The following MYLK variants were observed in gnomAD, a reference collection of about 807,000 sequenced individuals.
MYLK encodes myosin light chain kinase, smooth muscle.
A neutral mutation model predicts 203.4 loss-of-function variants in MYLK; 106 were observed. That is an observed-to-expected ratio of 0.52 (90% CI 0.45 to 0.61). MYLK has a LOEUF of 0.61. MYLK is among the 20% of genes least tolerant of loss of function. MYLK has a pLI of 0.00. For synonymous variants in MYLK, 867 were observed against 959.5 expected, an observed-to-expected ratio of 0.90 and a Z score of 1.78; for missense variants, 2,072 against 2,442.3, an observed-to-expected ratio of 0.85 and a Z score of 3.20.
chr3:123,859,177 A>C (rs2031677396), intron 2 of MYLK, among the ~76,000 whole-genome samples: 1 of 152,268 alleles, frequency 6.6e-6, no homozygotes, highest in Non-Finnish European at 1.5e-5. Flanking sequence ...AATGGCTTTC[A>C]AAGTGCCTAA....
In MYLK at chr3:123,793,742, C is replaced by T. The variant is rs760526212; in HGVS notation, c.100G>A (p.Ala34Thr). 4.3e-6 allele frequency: 7 copies of T among 1,614,164 alleles called. No individual in the cohort carries two copies. Among genetic ancestry groups the T allele is most frequent in the Middle Eastern group, 1.6e-4 (1 of 6,062 alleles). The change falls in exon 4 of 34, where the codon GCT (alanine) becomes ACT (threonine). Residue 34 changes from alanine (A) to threonine (T), a missense_variant. By Grantham distance (58) the Ala-to-Thr change is moderately conservative. This residue lies in a region of MYLK where 683 missense variants were observed against 643.8 expected (regional missense o/e 1.06). Coordinates refer to ENST00000360304, the MANE Select transcript of MYLK (RefSeq NM_053025.4). ...AGGTTCCGAGGGGGCAAAATGAAAG[C>T]AGGGGCCTCTGTCAGGGGCATGGAG... ...VDSMPLTEAPAFILPPRNLCI... is the reference protein window; with the variant it reads ...VDSMPLTEAPTFILPPRNLCI...
chr3:123,781,808 G>A (rs746203725), intron 4 of MYLK, among the ~76,000 whole-genome samples: 9 of 151,944 alleles, frequency 5.9e-5, no homozygotes, highest in Non-Finnish European at 1.3e-4. Context: ...AGCCTACACA[G>A]TAGCCAGCTC....
At chr3:123,877,722 G>C (rs1388084171) in intron 1 of MYLK, among the ~76,000 whole-genome samples, 1 of 152,204 alleles carries the variant, frequency 6.6e-6, no homozygotes, top group Non-Finnish European at 1.5e-5. Context: ...GCCACCTGCT[G>C]CTTCCTCATG....
At chr3:123,805,084 G>A (rs1324579634) in intron 3 of MYLK, among the ~76,000 whole-genome samples, 4 of 152,126 alleles carry the variant, frequency 2.6e-5, no homozygotes, top group Non-Finnish European at 4.4e-5. Flanking sequence ...AAAGGCAGTT[G>A]CCATCACTCG....
chr3:123,817,723 G>A (rs981359062), intron 3 of MYLK, among the ~76,000 whole-genome samples: 33 of 152,190 alleles, frequency 2.2e-4, no homozygotes, highest in Admixed American at 2.2e-3. Context: ...CAGGCTGATA[G>A]CGGGTAAGGA....
At chr3:123,706,598 C>T (rs977954963) in intron 16 of MYLK, among the ~76,000 whole-genome samples, 11 of 152,180 alleles carry the variant, frequency 7.2e-5, no homozygotes, top group African/African-American at 2.7e-4. Flanking sequence ...CTGTCTCCAT[C>T]AATCCAGGGC....
At chr3:123,783,994 T>C (rs571518205) in intron 4 of MYLK, among the ~76,000 whole-genome samples, 1 of 152,184 alleles carries the variant, frequency 6.6e-6, no homozygotes, top group African/African-American at 2.4e-5. Context: ...AGGAAACACA[T>C]GTAGGGAATG....
chr3:123,645,856 A>G (rs1425402983), intron 27 of MYLK, among the ~76,000 whole-genome samples: 2 of 152,228 alleles, frequency 1.3e-5, no homozygotes, highest in African/African-American at 2.4e-5. Context: ...CTGAAAAAGC[A>G]AAGTAGGTTG....
At chr3:123,845,072 G>T (rs1355732643) in intron 2 of MYLK, among the ~76,000 whole-genome samples, 1 of 152,088 alleles carries the variant, frequency 6.6e-6, no homozygotes, top group Non-Finnish European at 1.5e-5. Context: ...TGCCTTTATT[G>T]TAAGAGACAA....
chr3:123,777,861 C>T (rs1201377337), intron 4 of MYLK, among the ~76,000 whole-genome samples: 1 of 152,196 alleles, frequency 6.6e-6, no homozygotes, highest in Non-Finnish European at 1.5e-5. Flanking sequence ...AGAGTTCCCA[C>T]TAGTTAGGCC....
At chr3:123,808,825 G>A (rs1347543193) in intron 3 of MYLK, among the ~76,000 whole-genome samples, 2 of 152,212 alleles carry the variant, frequency 1.3e-5, no homozygotes, top group Non-Finnish European at 2.9e-5. Context: ...GATACATACT[G>A]TATTACTTTC....
At chr3:123,694,204 C>A (rs2060808466) in intron 18 of MYLK, among the ~76,000 whole-genome samples, 4 of 152,266 alleles carry the variant, frequency 2.6e-5, no homozygotes, top group Admixed American at 2.0e-4. Flanking sequence ...ATCCTATAAA[C>A]CACCTGGGGC....
chr3:123,761,881 G>T (rs1379827476), intron 4 of MYLK, among the ~76,000 whole-genome samples: 1 of 152,042 alleles, frequency 6.6e-6, no homozygotes, highest in African/African-American at 2.4e-5. Context: ...CAAAAAATCA[G>T]CTGGGCATGG....
chr3:123,797,385 T>A (rs1021192451), intron 3 of MYLK, among the ~76,000 whole-genome samples: 1 of 152,054 alleles, frequency 6.6e-6, no homozygotes, highest in African/African-American at 2.4e-5. Flanking sequence ...AGCTAGAGAC[T>A]TGGTATACAG....
At chr3:123,735,068 T>C (rs1439747589) in intron 9 of MYLK, 1 of 381,678 alleles carries the variant, frequency 2.6e-6, no homozygotes, top group Non-Finnish European at 5.0e-6. Context: ...GCTGGATGAG[T>C]GAACAGATTC....
rs554651568 is a variant in MYLK, at chr3:123,696,401, G to C, written c.3449-3550C>G. ...TGCAGTGGAGCAAAAAGGGCTCCAA[G>C]TCAGGAAGCCGGGGGCAGGGCCAGT... On this transcript the variant is annotated intron_variant, in intron 18 of 33. Transcript: ENST00000360304. Among the ~76,000 whole-genome samples the C allele has an allele frequency of 2.0e-5, 3 of 152,208 alleles. No homozygotes were observed. The South Asian group carries it at 6.2e-4, about 32-fold the overall frequency.
At chr3:123,706,701 T>C (rs1047918069) in intron 16 of MYLK, among the ~76,000 whole-genome samples, 22 of 152,124 alleles carry the variant, frequency 1.4e-4, no homozygotes, top group African/African-American at 5.3e-4. Context: ...ATGTCGACTA[T>C]GGGCTCTCCA....
At chr3:123,811,592 A>G (rs1479452451) in intron 3 of MYLK, among the ~76,000 whole-genome samples, 1 of 152,188 alleles carries the variant, frequency 6.6e-6, no homozygotes, top group Non-Finnish European at 1.5e-5. Flanking sequence ...ACTGTGCTAA[A>G]CAAAGGCAGC....
At chr3:123,721,862 G>A (rs1462552282) in intron 13 of MYLK, among the ~76,000 whole-genome samples, 2 of 149,220 alleles carry the variant, frequency 1.3e-5, no homozygotes, top group South Asian at 2.2e-4. Flanking sequence ...CACCCTTGTC[G>A]CTGTGAACTC....
Sources: allele counts gnomAD v4.1 joint callset (sites outside exome capture counted in the v4.1 genomes callset), GRCh38; gene constraint gnomAD v4.1.1; regional missense constraint gnomAD v4.1.1; transcripts MANE v1.5; gene names NCBI Gene and HGNC (gene_info 2026-07-23, HGNC 2026-07-21).